CFAP20DC: variants seen among roughly 807,000 people sequenced by gnomAD.
The protein encoded by CFAP20DC is protein CFAP20DC.
Under a neutral mutation model 101.7 loss-of-function variants are expected in CFAP20DC, and 84 were observed. The ratio of observed to expected loss-of-function variants is 0.83; its 90% CI spans 0.69 to 0.99. The LOEUF (loss-of-function observed/expected upper bound fraction) is 0.99. Among genes scored for constraint, CFAP20DC ranks in the 50% least tolerant of loss-of-function variants. The probability of loss-of-function intolerance (pLI) is 0.00; values close to 1 mark genes in which losing one functional copy is unlikely to be tolerated. For missense variants in CFAP20DC, 1,007 were observed against 970.3 expected (o/e 1.04, Z -0.50); for synonymous variants, 359 against 351.2 (o/e 1.02, Z -0.25).
At position 58,760,570 on chromosome 3, in the gene CFAP20DC, T is replaced by C. The variant is rs545427444; in HGVS notation, c.2238-6707A>G. 5.2e-4 allele frequency among the ~76,000 whole-genome samples: 79 copies of C among 152,280 alleles called. 1 individual carries two copies. The highest frequency in any genetic ancestry group is 1.9e-3 in the African/African-American group (77 of 41,554). The stretch of plus-strand genomic sequence containing the variant: ...GCCCTGGCCAGAACTTCCAACACTA[T>C]GTTGAATAGGAGTGGTGAGAGAGGG... On this transcript the variant is annotated intron_variant, in intron 15 of 16. Coordinates refer to ENST00000482387, the MANE Select transcript of CFAP20DC (RefSeq NM_001394063.1).
chr3:58,886,525 C>T (rs1367423637), intron 6 of CFAP20DC, among the ~76,000 whole-genome samples: 8 of 151,610 alleles, frequency 5.3e-5, no homozygotes, highest in Admixed American at 5.3e-4. Flanking sequence ...AGTTCAAGAC[C>T]AGCCTGGGTA....
At chr3:58,854,335 A>T (rs1296807692) in intron 12 of CFAP20DC, among the ~76,000 whole-genome samples, 11 of 151,404 alleles carry the variant, frequency 7.3e-5, no homozygotes, top group African/African-American at 2.4e-4. Flanking sequence ...GAAATAAAAG[A>T]GGATACAAAC....
chr3:58,810,074 C>A (rs542310336), intron 14 of CFAP20DC, among the ~76,000 whole-genome samples: 2 of 152,232 alleles, frequency 1.3e-5, no homozygotes, highest in South Asian at 2.1e-4. Flanking sequence ...GCTTACCAAT[C>A]AAAAAGAATC....
At chr3:58,786,648 G>A (rs1291291341) in intron 15 of CFAP20DC, among the ~76,000 whole-genome samples, 1 of 151,060 alleles carries the variant, frequency 6.6e-6, no homozygotes, top group Non-Finnish European at 1.5e-5. Flanking sequence ...TTGTGTTCAA[G>A]TAACTCTTAT....
At chr3:58,816,834 G>T (rs934234652) in intron 14 of CFAP20DC, among the ~76,000 whole-genome samples, 2 of 152,240 alleles carry the variant, frequency 1.3e-5, no homozygotes, top group Non-Finnish European at 2.9e-5. Flanking sequence ...ACCTCTGGGG[G>T]CAGGGCACAG....
At chr3:58,823,390 C>T (rs1396728348) in intron 14 of CFAP20DC, among the ~76,000 whole-genome samples, 1 of 152,086 alleles carries the variant, frequency 6.6e-6, no homozygotes, top group Non-Finnish European at 1.5e-5. Context: ...TAGAGAATAT[C>T]GTAAGTAGAT....
chr3:58,839,992 G>A (rs1332895365), intron 13 of CFAP20DC, among the ~76,000 whole-genome samples: 1 of 152,160 alleles, frequency 6.6e-6, no homozygotes, highest in Non-Finnish European at 1.5e-5. Flanking sequence ...CAAAGAAAAT[G>A]AAAGAAACAA....
intron 4 of CFAP20DC, among the ~76,000 whole-genome samples, chr3:58,946,772 AAT>A (rs2089427558): frequency 6.6e-6 from 1 of 152,298 alleles, no homozygotes; most frequent in East Asian, 1.9e-4. Context: ...TGGGAGTTTT[AAT>A]ATGAGACATC....
intron 4 of CFAP20DC, among the ~76,000 whole-genome samples, chr3:58,965,119 C>T (rs1002602811): frequency 1.5e-4 from 23 of 152,144 alleles, no homozygotes; most frequent in African/African-American, 4.8e-4. Flanking sequence ...CTGTCCAGGG[C>T]CCTGCAACAA....
intron 13 of CFAP20DC, among the ~76,000 whole-genome samples, chr3:58,837,367 G>T (rs13321125): frequency 0.18 from 27,770 of 152,096 alleles, 4,463 homozygotes; most frequent in African/African-American, 0.42. Flanking sequence ...ATGTATTGAA[G>T]CTAATGAACA....
intron 12 of CFAP20DC, among the ~76,000 whole-genome samples, chr3:58,855,898 G>A (rs2108390565): frequency 6.6e-6 from 1 of 150,710 alleles, no homozygotes; most frequent in East Asian, 2.0e-4. Flanking sequence ...TGATGAGTTA[G>A]TGGGTGCAGC....
At chr3:58,923,608 G>A (rs1456368940) in intron 5 of CFAP20DC, among the ~76,000 whole-genome samples, 1 of 151,952 alleles carries the variant, frequency 6.6e-6, no homozygotes, top group Non-Finnish European at 1.5e-5. Context: ...GCTTATTACT[G>A]TTTTCTGGCA....
chr3:58,768,760 C>T (rs891442665), intron 15 of CFAP20DC, among the ~76,000 whole-genome samples: 3 of 152,226 alleles, frequency 2.0e-5, no homozygotes, highest in Admixed American at 2.0e-4. Context: ...ACACTCCCCT[C>T]AGGCTTCACA....
Position 58,894,315 on chromosome 3 carries a change from T to A in CFAP20DC, c.551-9606A>T, listed in dbSNP as rs1179080095. 6.6e-6 allele frequency among the ~76,000 whole-genome samples: 1 copy of A among 152,228 alleles called. No homozygotes were observed. The stretch of plus-strand genomic sequence containing the variant: ...AGACAAGGCAAGTCCCTTCTGCCTA[T>A]GAGCCTGTAAAATCAAAAGCAAGTT... On this transcript the variant is annotated intron_variant, in intron 6 of 16. Coordinates refer to ENST00000482387, the MANE Select transcript of CFAP20DC (RefSeq NM_001394063.1). The surrounding 1 kb of genome is among the most constrained non-coding windows in gnomAD (Gnocchi z 4.1).
At chr3:59,031,482 T>C (rs544362624) in intron 4 of CFAP20DC, among the ~76,000 whole-genome samples, 220 of 152,338 alleles carry the variant, frequency 1.4e-3, no homozygotes, top group African/African-American at 4.9e-3. Flanking sequence ...ACCTTTAGCA[T>C]GCCTTTGGAG....
At position 58,937,738 on chromosome 3, in the gene CFAP20DC, T is replaced by C; in HGVS notation, c.303A>G (p.Lys101=). 1 of 1,606,088 alleles carries C rather than the reference T, an allele frequency of 6.2e-7. No individual in the cohort carries two copies. The highest frequency in any genetic ancestry group is 8.5e-7 in the Non-Finnish European group (1 of 1,172,972). ...ELLITDLGNI[K]RRLYLSTVHK... ...GGACCGTTGATAAATATAATCTTCT[T>C]TTGATGTTCCCTAAATCAGTAATTC... Residue 101 remains lysine, a synonymous_variant, in exon 5 of 17, where the codon AAA becomes AAG. Coordinates refer to ENST00000482387, the MANE Select transcript of CFAP20DC (RefSeq NM_001394063.1).
rs1196589507 is a variant in CFAP20DC at position 58,874,099 on chromosome 3, G to C, written c.716-3790C>G. The stretch of plus-strand genomic sequence containing the variant: ...TTCTGAGCTCCACTCCTTATATCCA[G>C]TAGCCTCTTTACCAGCTCCTCTTCA... On this transcript the variant is annotated intron_variant, in intron 7 of 16. Coordinates refer to ENST00000482387, the MANE Select transcript of CFAP20DC (RefSeq NM_001394063.1). The surrounding 1 kb of genome is among the most constrained non-coding windows in gnomAD (Gnocchi z 5.1). Among the ~76,000 whole-genome samples the C allele has an allele frequency of 6.6e-6, 1 of 152,246 alleles. No individual in the cohort carries two copies. The highest frequency in any genetic ancestry group is 1.5e-5 in the Non-Finnish European group (1 of 68,046).
intron 6 of CFAP20DC, chr3:58,887,211 C>T (rs2081718066): frequency 6.6e-6 from 1 of 152,130 alleles, no homozygotes; most frequent in African/African-American, 2.4e-5. Flanking sequence ...TCTTTGTCAT[C>T]AACATTTAGA....
At chr3:58,981,760 G>T (rs1371207059) in intron 4 of CFAP20DC, among the ~76,000 whole-genome samples, 1 of 152,156 alleles carries the variant, frequency 6.6e-6, no homozygotes, top group Non-Finnish European at 1.5e-5. Flanking sequence ...AACCCTAGAA[G>T]AAAACCTAGG....
Sources: allele counts gnomAD v4.1 joint callset (sites outside exome capture counted in the v4.1 genomes callset), GRCh38; gene constraint gnomAD v4.1.1; non-coding constraint Gnocchi (gnomAD v3.1); transcripts MANE v1.5; gene names NCBI Gene and HGNC (gene_info 2026-07-23, HGNC 2026-07-21).